ISCU: variants seen among roughly 807,000 people sequenced by gnomAD.
ISCU encodes iron-sulfur cluster assembly enzyme ISCU.
Under a neutral mutation model 18.4 loss-of-function variants are expected in ISCU, and 13 were observed. That is an observed-to-expected ratio of 0.71 (90% CI 0.46 to 1.12). The LOEUF (loss-of-function observed/expected upper bound fraction) is 1.12. Among genes scored for constraint, ISCU ranks in the 50% most tolerant of loss-of-function variants. The pLI is 0.00. For synonymous variants in ISCU, 104 were observed against 87.5 expected, an observed-to-expected ratio of 1.19 and a Z score of -1.06; for missense variants, 229 against 208.7, an observed-to-expected ratio of 1.10 and a Z score of -0.60.
chr12:108,562,836 C>T, intron 1 of ISCU, 100 bp downstream of exon 1: 2 of 540,378 alleles, frequency 3.7e-6, no homozygotes, highest in East Asian at 7.0e-5. Flanking sequence ...GGAGCTGTCC[C>T]CTCCCACGTC....
chr12:108,565,465 CA>C, intron 3 of ISCU, 34 bp downstream of exon 3: 1 of 1,373,372 alleles, frequency 7.3e-7, no homozygotes, highest in Non-Finnish European at 1.0e-6. Flanking sequence ...GGGTCAAAAA[CA>C]AGTAACCATG....
chr12:108,563,505 C>T (rs2030731631), intron 1 of ISCU: 1 of 165,178 alleles, frequency 6.1e-6, no homozygotes, highest in Non-Finnish European at 1.3e-5. Context: ...AATCCTTAGT[C>T]AGATGGGGGG....
At chr12:108,562,968 C>G (rs1222281351) in intron 1 of ISCU, 1 of 377,728 alleles carries the variant, frequency 2.6e-6, no homozygotes, top group Non-Finnish European at 4.7e-6. Flanking sequence ...CTTCGTGCGT[C>G]CCAATTTTAA....
chr12:108,564,056 C>A, intron 1 of ISCU: 1 of 1,582,956 alleles, frequency 6.3e-7, no homozygotes, highest in Non-Finnish European at 8.7e-7. Flanking sequence ...TTTTTTTCTT[C>A]TAGGTATCTC....
In ISCU at chr12:108,568,819, C is replaced by T. The variant is rs200740317; in HGVS notation, c.419-12C>T. The T allele has an allele frequency of 7.6e-5, 122 of 1,610,594 alleles. No individual in the cohort carries two copies. The African/African-American group carries it at 1.2e-3, about 16-fold the overall frequency. ...CTAGAAACTTAGGCTTCTTTCCTTC[C>T]GTTACTTCCAGTGCTGGCTGAAGAT... is the stretch of plus-strand genomic sequence containing the variant. On this transcript the variant is annotated splice_polypyrimidine_tract_variant and intron_variant, in intron 4 of 4. Coordinates refer to ENST00000311893, the MANE Select transcript of ISCU (RefSeq NM_213595.4).
chr12:108,567,342 T>G, intron 4 of ISCU, 74 bp downstream of exon 4: 1 of 1,230,936 alleles, frequency 8.1e-7, no homozygotes, highest in South Asian at 1.2e-5. Context: ...AACAGTCCTT[T>G]TAGATCATGG....
intron 1 of ISCU, 146 bp downstream of exon 1, chr12:108,562,882 G>C (rs1317803675): frequency 2.3e-6 from 1 of 440,316 alleles, no homozygotes; most frequent in African/African-American, 2.0e-5. Context: ...TGCGCAGTGA[G>C]GCTCACTGCA....
chr12:108,567,409 A>G (rs1249476013), intron 4 of ISCU, 141 bp downstream of exon 4: 2 of 776,172 alleles, frequency 2.6e-6, no homozygotes, highest in Non-Finnish European at 4.5e-6. Flanking sequence ...TATAACCTGC[A>G]GAGGGTTAGA....
At chr12:108,565,928 C>T (rs553047479) in intron 3 of ISCU, among the ~76,000 whole-genome samples, 7 of 152,204 alleles carry the variant, frequency 4.6e-5, no homozygotes, top group Non-Finnish European at 8.8e-5. Flanking sequence ...GGTGGCTGAT[C>T]GCAAGCCCTC....
At chr12:108,562,133 A>G (rs11113991), upstream of ISCU, among the ~76,000 whole-genome samples, 5,163 of 152,314 alleles carry the variant, frequency 0.034, 109 homozygotes, top group South Asian at 0.073. Flanking sequence ...TCGTCTAGGG[A>G]CACACAGCCA....
intron 2 of ISCU, 117 bp downstream of exon 2, chr12:108,564,509 G>T (rs2030797632): frequency 1.3e-6 from 1 of 763,936 alleles, no homozygotes; most frequent in Non-Finnish European, 2.3e-6. Flanking sequence ...ATTTCACTTG[G>T]TCTCCATTCC....
intron 2 of ISCU, among the ~76,000 whole-genome samples, chr12:108,564,646 T>G (rs2030805150): frequency 6.6e-6 from 1 of 152,262 alleles, no homozygotes; most frequent in African/African-American, 2.4e-5. Context: ...TTGTACTCAC[T>G]GTATCAGTTT....
chr12:108,563,364 G>A (rs1328295571), intron 1 of ISCU: 1 of 153,330 alleles, frequency 6.5e-6, no homozygotes, highest in Non-Finnish European at 1.5e-5. Context: ...GCCCCTTGCT[G>A]TCTGGTGGCA....
At chr12:108,564,173 G>A (rs2030771641) in intron 1 of ISCU, 106 bp from the exon 2 acceptor site, 2 of 1,593,184 alleles carry the variant, frequency 1.3e-6, no homozygotes, top group Non-Finnish European at 8.6e-7. Flanking sequence ...TTGGTATTTA[G>A]TGATTGCCTG....
At position 108,562,704 on chromosome 12, in the gene ISCU, C is replaced by T; in HGVS notation, c.82C>T (p.Leu28=). 6.7e-7 allele frequency: 1 copy of T among 1,490,470 alleles called. No homozygotes were observed. The allele number at this position is 1,490,470 out of a possible 1,614,324, so 92.3% of individuals were successfully genotyped here. ...LRSPRLPARE[L]SAPARLYHKK... is the part of the protein sequence containing the mutation. ...GAGCCCCCGCCTGCCCGCCCGGGAG[C>T]TGTCGGCCCCGGCCCGACTCTATCA... is the stretch of plus-strand genomic sequence containing the variant. The change falls in exon 1 of 5, where the codon CTG becomes TTG. Residue 28 remains leucine (L), a synonymous_variant. Coordinates refer to ENST00000311893, the MANE Select transcript of ISCU (RefSeq NM_213595.4).
chr12:108,568,712 C>A (rs2031013451), intron 4 of ISCU, 119 bp from the exon 5 acceptor site: 1 of 1,529,312 alleles, frequency 6.5e-7, no homozygotes, highest in Non-Finnish European at 8.8e-7. Context: ...AGCTTTCTGG[C>A]TTGGTTACTC....
At chr12:108,564,257 T>TA (rs1244249237) in intron 1 of ISCU, 22 bp from the exon 2 acceptor site, 2 of 1,590,812 alleles carry the variant, frequency 1.3e-6, no homozygotes, top group East Asian at 4.5e-5. Flanking sequence ...GAACATGATT[T>TA]ATCTTAACCC....
At chr12:108,568,227 TTC>T (rs2030991005) in intron 4 of ISCU, 1 of 1,229,842 alleles carries the variant, frequency 8.1e-7, no homozygotes, top group South Asian at 2.9e-5. Flanking sequence ...TTAGCTGATG[TTC>T]TCTGTTATTT....
chr12:108,565,073 AAAG>A lies in ISCU; in HGVS notation c.229-245_229-243del, dbSNP rs2030826563. On this transcript the variant is annotated intron_variant, in intron 2 of 4. Coordinates refer to ENST00000311893, the MANE Select transcript of ISCU (RefSeq NM_213595.4). ...AAATGCAGGCCAGAGTCACAAAACA[AAAG>A]AATATTGGAGTGGAGGGACATATTT... 27 of 545,530 alleles carry A rather than the reference AAAG, an allele frequency of 4.9e-5. No homozygotes were observed. In the South Asian group the frequency reaches 5.8e-4, roughly 12 times the overall value. 33.8% of individuals were successfully genotyped at this position (545,530 alleles called of 1,614,324 possible).
Sources: gnomAD v4.1 joint callset for allele counts (sites outside exome capture counted in the v4.1 genomes callset) on GRCh38, gnomAD v4.1.1 for gene constraint, MANE v1.5 for transcripts, NCBI Gene and HGNC (gene_info 2026-07-23, HGNC 2026-07-21) for gene names.